The following SCAMP1 variants were observed in gnomAD, a reference collection of about 807,000 sequenced individuals.
SCAMP1 encodes secretory carrier-associated membrane protein 1.
In SCAMP1, 15 loss-of-function variants were observed where a neutral mutation model predicts 41.8. The observed-to-expected ratio is 0.36, with a 90% CI of 0.24 to 0.55. The LOEUF is 0.55. Among genes scored for constraint, SCAMP1 ranks in the 20% least tolerant of loss-of-function variants. The probability of loss-of-function intolerance (pLI) is 0.86; values close to 1 mark genes in which losing one functional copy is unlikely to be tolerated. For synonymous variants in SCAMP1, 135 were observed against 136.8 expected, an observed-to-expected ratio of 0.99 and a Z score of 0.09; for missense variants, 341 against 412.6, an observed-to-expected ratio of 0.83 and a Z score of 1.50.
At chr5:78,395,469 A>C (rs1751628005) in intron 2 of SCAMP1, among the ~76,000 whole-genome samples, 2 of 152,200 alleles carry the variant, frequency 1.3e-5, no homozygotes, top group South Asian at 4.1e-4. Flanking sequence ...TGTGTAACAA[A>C]TTACCATAAA....
At chr5:78,394,828 G>A (rs1000329194) in intron 2 of SCAMP1, among the ~76,000 whole-genome samples, 1 of 152,092 alleles carries the variant, frequency 6.6e-6, no homozygotes, top group Admixed American at 6.5e-5. Context: ...AGAAATACCC[G>A]ATTTGTCTTT....
chr5:78,446,079 A>T (rs1275166736), intron 6 of SCAMP1, among the ~76,000 whole-genome samples: 12 of 152,234 alleles, frequency 7.9e-5, no homozygotes, highest in Non-Finnish European at 1.5e-4. Flanking sequence ...TCTTTTATTT[A>T]GCTTTATTTA....
chr5:78,429,594 G>T (rs186255124), intron 6 of SCAMP1, among the ~76,000 whole-genome samples: 3 of 152,070 alleles, frequency 2.0e-5, no homozygotes, highest in East Asian at 3.9e-4. Flanking sequence ...GCCCTACCTT[G>T]GTTGAAATAC....
At chr5:78,449,648 G>GT (rs1288499004) in intron 6 of SCAMP1, among the ~76,000 whole-genome samples, 1 of 152,178 alleles carries the variant, frequency 6.6e-6, no homozygotes, top group Non-Finnish European at 1.5e-5. Context: ...AAGAAAACGA[G>GT]TAAGTTTTTT....
At chr5:78,429,340 A>T (rs374532555) in intron 6 of SCAMP1, among the ~76,000 whole-genome samples, 4 of 114,912 alleles carry the variant, frequency 3.5e-5, no homozygotes, top group African/African-American at 7.1e-5. Flanking sequence ...CAGTTTGTTG[A>T]GTTGGTTTTT....
chr5:78,449,826 A>G, intron 6 of SCAMP1, 107 bp from the exon 7 acceptor site: 1 of 641,096 alleles, frequency 1.6e-6, no homozygotes, highest in Non-Finnish European at 2.6e-6. Context: ...TAAGGTTTGA[A>G]TGTCATTCTG....
intron 1 of SCAMP1, among the ~76,000 whole-genome samples, chr5:78,362,138 T>C (rs1014324589): frequency 3.3e-5 from 5 of 152,186 alleles, no homozygotes; most frequent in Non-Finnish European, 7.4e-5. Context: ...CTTGCTTCCA[T>C]GTTGTGGAAA....
intron 6 of SCAMP1, among the ~76,000 whole-genome samples, chr5:78,441,258 T>C (rs1258341421): frequency 6.6e-6 from 1 of 152,202 alleles, no homozygotes; most frequent in Non-Finnish European, 1.5e-5. Flanking sequence ...CAGTTGGAAA[T>C]GCAGAAATCA....
chr5:78,412,166 A>G (rs918454736), intron 2 of SCAMP1, among the ~76,000 whole-genome samples: 2 of 152,004 alleles, frequency 1.3e-5, no homozygotes, highest in Non-Finnish European at 2.9e-5. Context: ...GTTGCTTATT[A>G]TTTAGATTTT....
rs114710266 is a variant in SCAMP1, at chr5:78,373,144, C to T, written c.57+12416C>T. On this transcript the variant is annotated intron_variant, in intron 1 of 8. Transcript: ENST00000621999. ...TACAAACCTCTGCAAATTTCACTTA[C>T]TCCTTCTTCTTATCTCCCTGACACC... 4.0e-3 allele frequency among the ~76,000 whole-genome samples: 608 copies of T among 152,230 alleles called. 5 individuals carry two copies. The highest frequency in any genetic ancestry group is 0.013 in the African/African-American group (553 of 41,538).
In SCAMP1 at chr5:78,387,976, G is replaced by A. The variant is rs141072948; in HGVS notation, c.58-861G>A. 3.4e-3 allele frequency among the ~76,000 whole-genome samples: 521 copies of A among 152,344 alleles called. 8 individuals carry two copies. The highest frequency in any genetic ancestry group is 0.012 in the African/African-American group (498 of 41,572). Reference sequence around the variant, plus strand: ...TGCAGTAGTAGGAGGAGGATCAGGCGGTGGCAGGACCATAGAGCTCCCAAG... The same window carrying A: ...TGCAGTAGTAGGAGGAGGATCAGGCAGTGGCAGGACCATAGAGCTCCCAAG... On this transcript the variant is annotated intron_variant, in intron 1 of 8. Coordinates refer to ENST00000621999, the MANE Select transcript of SCAMP1 (RefSeq NM_004866.6).
At chr5:78,437,971 G>A (rs986141990) in intron 6 of SCAMP1, among the ~76,000 whole-genome samples, 1 of 152,060 alleles carries the variant, frequency 6.6e-6, no homozygotes, top group Non-Finnish European at 1.5e-5. Flanking sequence ...TAATTTATCT[G>A]TTTTTTCTAG....
At chr5:78,368,465 T>G (rs77653713) in intron 1 of SCAMP1, among the ~76,000 whole-genome samples, 2 of 152,240 alleles carry the variant, frequency 1.3e-5, no homozygotes, top group Admixed American at 6.5e-5. Flanking sequence ...TAAATGCAGA[T>G]CCAAATAATT....
At chr5:78,422,823 T>G (rs1470630634) in intron 6 of SCAMP1, among the ~76,000 whole-genome samples, 1 of 152,244 alleles carries the variant, frequency 6.6e-6, no homozygotes, top group African/African-American at 2.4e-5. Context: ...AAACTCATTT[T>G]TATTTGAGTA....
intron 6 of SCAMP1, among the ~76,000 whole-genome samples, chr5:78,444,837 A>G (rs942531825): frequency 7.9e-5 from 12 of 152,188 alleles, no homozygotes; most frequent in Non-Finnish European, 1.5e-4. Context: ...ATTCCCAGCT[A>G]AGCACTTTAC....
intron 8 of SCAMP1, among the ~76,000 whole-genome samples, chr5:78,469,927 AAAAAAC>A: frequency 5.2e-5 from 1 of 19,398 alleles, no homozygotes; most frequent in East Asian, 2.1e-3. Context: ...AAAAAAAAAA[AAAAAAC>A]AACAACACAG....
intron 1 of SCAMP1, among the ~76,000 whole-genome samples, chr5:78,381,749 A>T (rs549866956): frequency 6.6e-6 from 1 of 152,206 alleles, no homozygotes; most frequent in Non-Finnish European, 1.5e-5. Context: ...TACTTGCTTT[A>T]TGCCAAATTT....
intron 2 of SCAMP1, among the ~76,000 whole-genome samples, chr5:78,406,872 CG>C (rs1226284236): frequency 6.6e-6 from 1 of 152,112 alleles, no homozygotes; most frequent in Non-Finnish European, 1.5e-5. Flanking sequence ...ATTCTGCCTC[CG>C]GGGTCAGTTC....
At chr5:78,423,814 G>A (rs1256204858) in intron 6 of SCAMP1, among the ~76,000 whole-genome samples, 1 of 151,020 alleles carries the variant, frequency 6.6e-6, no homozygotes, top group Non-Finnish European at 1.5e-5. Context: ...TAATAATCTG[G>A]TTTTCACTGT....
Sources: gnomAD v4.1 joint callset for allele counts (sites outside exome capture counted in the v4.1 genomes callset) on GRCh38, gnomAD v4.1.1 for gene constraint, MANE v1.5 for transcripts, NCBI Gene and HGNC (gene_info 2026-07-23, HGNC 2026-07-21) for gene names.